The following PELI2 variants were observed in gnomAD, a reference collection of about 807,000 sequenced individuals.
PELI2 encodes pellino E3 ubiquitin protein ligase family member 2.
Under a neutral mutation model 42.3 loss-of-function variants are expected in PELI2, and 23 were observed. The ratio of observed to expected loss-of-function variants is 0.54; its 90% CI spans 0.39 to 0.77. PELI2 has a LOEUF of 0.77. Among genes scored for constraint, PELI2 ranks in the 30% least tolerant of loss-of-function variants. PELI2 has a pLI of 0.00. For missense variants in PELI2, 463 were observed against 553.2 expected (o/e 0.84, Z 1.64); for synonymous variants, 245 against 212.2 (o/e 1.15, Z -1.34).
intron 2 of PELI2, among the ~76,000 whole-genome samples, chr14:56,207,118 A>G (rs1025530535): frequency 2.0e-5 from 3 of 152,202 alleles, no homozygotes; most frequent in African/African-American, 7.2e-5. Context: ...CATGAATGGT[A>G]TCTTTTCTCC....
intron 3 of PELI2, among the ~76,000 whole-genome samples, chr14:56,282,046 T>G (rs758364215): frequency 2.0e-5 from 3 of 152,180 alleles, no homozygotes; most frequent in Non-Finnish European, 2.9e-5. Flanking sequence ...GTAAAGCTCT[T>G]CTTTCTAGAG....
intron 2 of PELI2, among the ~76,000 whole-genome samples, chr14:56,267,985 T>A (rs1888967288): frequency 6.6e-6 from 1 of 152,216 alleles, no homozygotes; most frequent in Non-Finnish European, 1.5e-5. Context: ...GGTATCTTAG[T>A]ATAAAATCGA....
At chr14:56,189,810 C>G (rs971875394) in intron 2 of PELI2, among the ~76,000 whole-genome samples, 6 of 152,164 alleles carry the variant, frequency 3.9e-5, no homozygotes, top group African/African-American at 1.4e-4. Context: ...ATAAACTTTA[C>G]AATTTAAATG....
chr14:56,168,350 C>G (rs964431475), intron 1 of PELI2, among the ~76,000 whole-genome samples: 2 of 152,172 alleles, frequency 1.3e-5, no homozygotes, highest in Non-Finnish European at 2.9e-5. Flanking sequence ...ACCTGGTGTT[C>G]TATTTTATTG....
rs545040806 is a variant in PELI2, at chr14:56,240,834, A to G, written c.208-38842A>G. 2.0e-5 allele frequency among the ~76,000 whole-genome samples: 3 copies of G among 151,236 alleles called. No homozygotes were observed. In the South Asian group the frequency reaches 6.4e-4, roughly 32 times the overall value. On this transcript the variant is annotated intron_variant, in intron 2 of 5. Transcript: ENST00000267460. ...CTGAAGCCTGGATACTTGGATTTGG[A>G]TCCTGCCCCCATCTGATTAGACCCA... is the stretch of plus-strand genomic sequence containing the variant.
chr14:56,127,119 A>C (rs1883299513), intron 1 of PELI2, among the ~76,000 whole-genome samples: 1 of 152,196 alleles, frequency 6.6e-6, no homozygotes, highest in South Asian at 2.1e-4. Flanking sequence ...AGTCATCTGC[A>C]AGTCTTTTTG....
chr14:56,154,548 C>T (rs1176378733), intron 1 of PELI2, among the ~76,000 whole-genome samples: 2 of 152,208 alleles, frequency 1.3e-5, no homozygotes, highest in Non-Finnish European at 2.9e-5. Flanking sequence ...CAGCAACGAT[C>T]GTTAGTTTCC....
At position 56,133,842 on chromosome 14, in the gene PELI2, A is replaced by G. The variant is rs1440093546; in HGVS notation, c.77+15105A>G. On this transcript the variant is annotated intron_variant, in intron 1 of 5. Transcript: ENST00000267460. ...ACAGGGCAGGATCTGGGGCTCATTC[A>G]GCTGCCATCTGTCCCAGTACCTGGT... Among the ~76,000 whole-genome samples the G allele has an allele frequency of 2.0e-5, 3 of 152,190 alleles. No individual in the cohort carries two copies. In the East Asian group the frequency reaches 5.8e-4, roughly 29 times the overall value.
At chr14:56,153,140 C>T (rs921213375) in intron 1 of PELI2, among the ~76,000 whole-genome samples, 1 of 152,042 alleles carries the variant, frequency 6.6e-6, no homozygotes, top group African/African-American at 2.4e-5. Flanking sequence ...ATTACATTAG[C>T]ATTTTAAAAA....
intron 1 of PELI2, among the ~76,000 whole-genome samples, chr14:56,141,328 C>A (rs1397642795): frequency 6.6e-6 from 1 of 152,154 alleles, no homozygotes; most frequent in African/African-American, 2.4e-5. Context: ...CGCCCCTGTG[C>A]CCTCAGGGCT....
chr14:56,199,362 T>C (rs956084191), intron 2 of PELI2, among the ~76,000 whole-genome samples: 9 of 152,206 alleles, frequency 5.9e-5, no homozygotes, highest in African/African-American at 2.2e-4. Flanking sequence ...TCTGGCCTGG[T>C]CATTTCTCGT....
chr14:56,258,458 T>A (rs1473497486), intron 2 of PELI2, among the ~76,000 whole-genome samples: 3 of 152,102 alleles, frequency 2.0e-5, no homozygotes, highest in Admixed American at 6.5e-5. Flanking sequence ...TTAAAATAGC[T>A]GTTACAAATA....
At chr14:56,247,965 G>C (rs1888219620) in intron 2 of PELI2, among the ~76,000 whole-genome samples, 1 of 152,192 alleles carries the variant, frequency 6.6e-6, no homozygotes, top group Admixed American at 6.5e-5. Context: ...TCTGAAAAAT[G>C]TCTAAAAATG....
chr14:56,141,924 C>T (rs1198158155), intron 1 of PELI2, among the ~76,000 whole-genome samples: 2 of 152,152 alleles, frequency 1.3e-5, no homozygotes, highest in Non-Finnish European at 2.9e-5. Flanking sequence ...GTACAAAGGC[C>T]TTGATAAACT....
At chr14:56,184,219 A>G (rs1158490226) in intron 2 of PELI2, among the ~76,000 whole-genome samples, 1 of 152,132 alleles carries the variant, frequency 6.6e-6, no homozygotes, top group Non-Finnish European at 1.5e-5. Flanking sequence ...TATACTAACC[A>G]ATGTGAATTT....
At chr14:56,148,469 C>T (rs1566606382) in intron 1 of PELI2, among the ~76,000 whole-genome samples, 1 of 152,338 alleles carries the variant, frequency 6.6e-6, no homozygotes, top group East Asian at 1.9e-4. Context: ...CATGTACAGC[C>T]TGCAGCCTAT....
intron 2 of PELI2, among the ~76,000 whole-genome samples, chr14:56,193,316 G>T (rs755172647): frequency 1.3e-5 from 2 of 152,088 alleles, no homozygotes; most frequent in African/African-American, 2.4e-5. Context: ...CTATTACCTC[G>T]ATCAGTTGAA....
Position 56,297,873 on chromosome 14 carries a change from T to G in PELI2, c.*707T>G, listed in dbSNP as rs1286961014. On this transcript the variant is annotated 3_prime_UTR_variant, in exon 6 of 6. Coordinates refer to ENST00000267460, the MANE Select transcript of PELI2 (RefSeq NM_021255.3). ...CATAACTTTTTAGCCTGTCTTTTGTTATTTCTGCCTAATATGATTTGCCCC... is the reference window on the plus strand; with the variant it reads ...CATAACTTTTTAGCCTGTCTTTTGTGATTTCTGCCTAATATGATTTGCCCC... The G allele has an allele frequency of 6.6e-6, 1 of 152,126 alleles. No homozygotes were observed. Among genetic ancestry groups the G allele is most frequent in the African/African-American group, 2.4e-5 (1 of 41,420 alleles). The allele number at this position is 152,126 out of a possible 1,614,324, so 9.4% of individuals were successfully genotyped here.
chr14:56,193,903 G>C (rs1050529520), intron 2 of PELI2, among the ~76,000 whole-genome samples: 3 of 152,096 alleles, frequency 2.0e-5, no homozygotes, highest in Non-Finnish European at 4.4e-5. Flanking sequence ...GATTCCTCCT[G>C]TTCACTTTTC....
Sources: gnomAD v4.1 joint callset for allele counts (sites outside exome capture counted in the v4.1 genomes callset) on GRCh38, gnomAD v4.1.1 for gene constraint, MANE v1.5 for transcripts, NCBI Gene and HGNC (gene_info 2026-07-23, HGNC 2026-07-21) for gene names.